Variants in TBX19 observed in about 807,000 individuals in gnomAD.
TBX19 encodes the protein T-box transcription factor TBX19.
Under a neutral mutation model 40.9 loss-of-function variants are expected in TBX19, and 33 were observed. The observed-to-expected ratio is 0.81, with a 90% CI of 0.61 to 1.08. The LOEUF (loss-of-function observed/expected upper bound fraction) is 1.08. TBX19 is among the 50% of genes least tolerant of loss of function. The pLI, the probability that TBX19 is intolerant of heterozygous loss-of-function variation, is 0.00. For missense variants in TBX19, 494 were observed against 574.0 expected (o/e 0.86, Z 1.42); for synonymous variants, 220 against 225.0 (o/e 0.98, Z 0.20).
At chr1:168,299,892 T>C (rs1475839218) in intron 4 of TBX19, among the ~76,000 whole-genome samples, 1 of 152,222 alleles carries the variant, frequency 6.6e-6, no homozygotes, top group Non-Finnish European at 1.5e-5. Flanking sequence ...AAAGTGACAG[T>C]AGCATGGTAT....
At chr1:168,310,136 T>C (rs1192848415) in intron 7 of TBX19, among the ~76,000 whole-genome samples, 2 of 152,012 alleles carry the variant, frequency 1.3e-5, no homozygotes, top group African/African-American at 4.8e-5. Context: ...ACCCCATCTC[T>C]ACTAAAAATA....
chr1:168,284,727 C>T (rs559635509), intron 1 of TBX19, among the ~76,000 whole-genome samples: 6 of 144,446 alleles, frequency 4.2e-5, no homozygotes, highest in Admixed American at 2.1e-4. Context: ...AGTGATCACA[C>T]CACTGCACAC....
chr1:168,286,793 G>A (rs545872971), intron 1 of TBX19, among the ~76,000 whole-genome samples: 2 of 152,332 alleles, frequency 1.3e-5, no homozygotes, highest in East Asian at 3.9e-4. Flanking sequence ...AACCAAGTGA[G>A]GAACTGCCAG....
chr1:168,280,881 C>T lies in TBX19; in HGVS notation c.-210C>T, dbSNP rs563196275. ...CCCTACCTCTCCCCTGCCTCCACCC[C>T]GCTCCCCAACTAAAGCTTAACAGGT... is the stretch of plus-strand genomic sequence containing the variant. On this transcript the variant is annotated 5_prime_UTR_variant, in exon 1 of 8. Transcript: ENST00000367821. Among the ~76,000 whole-genome samples the T allele has an allele frequency of 4.3e-4, 66 of 152,222 alleles. 1 individual carries two copies. Among genetic ancestry groups the T allele is most frequent in the South Asian group, 1.0e-3 (5 of 4,814 alleles).
chr1:168,290,522 A>G (rs1432590618), intron 1 of TBX19, among the ~76,000 whole-genome samples: 1 of 152,188 alleles, frequency 6.6e-6, no homozygotes, highest in Non-Finnish European at 1.5e-5. Context: ...TGTACAGTTA[A>G]GAGTTCCTCT....
At chr1:168,311,497 A>T (rs1004850912) in intron 7 of TBX19, among the ~76,000 whole-genome samples, 1 of 152,140 alleles carries the variant, frequency 6.6e-6, no homozygotes, top group East Asian at 1.9e-4. Context: ...AGCTCAGAGG[A>T]TGGGCTGCTG....
At chr1:168,306,979 G>A (rs952238920) in intron 6 of TBX19, among the ~76,000 whole-genome samples, 6 of 152,322 alleles carry the variant, frequency 3.9e-5, no homozygotes, top group African/African-American at 1.4e-4. Flanking sequence ...GACAGAGTGG[G>A]AGTGGGCAGG....
At chr1:168,297,437 T>A (rs1649140535) in intron 3 of TBX19, among the ~76,000 whole-genome samples, 1 of 152,236 alleles carries the variant, frequency 6.6e-6, no homozygotes, top group South Asian at 2.1e-4. Context: ...TTTCCAGTGT[T>A]TTGCCCTTTC....
intron 3 of TBX19, among the ~76,000 whole-genome samples, chr1:168,293,946 C>G (rs1195162815): frequency 6.6e-6 from 1 of 152,052 alleles, no homozygotes; most frequent in African/African-American, 2.4e-5. Flanking sequence ...TTTAAAAACA[C>G]ATAATAAACT....
chr1:168,297,255 T>C (rs1167208089), intron 3 of TBX19, among the ~76,000 whole-genome samples: 1 of 152,236 alleles, frequency 6.6e-6, no homozygotes, highest in Non-Finnish European at 1.5e-5. Flanking sequence ...AGGGACTCGA[T>C]GCTAGATGGC....
At chr1:168,291,523 C>T in intron 2 of TBX19, 99 bp downstream of exon 2, 2 of 1,534,164 alleles carry the variant, frequency 1.3e-6, no homozygotes, top group East Asian at 2.3e-5. Flanking sequence ...GAGGTGTCCT[C>T]ACCAGCCTCT....
chr1:168,298,826 T>TCCCC lies in TBX19; in HGVS notation c.665+1042_665+1043insCCCC, dbSNP rs1405724459. Reference sequence around the variant, plus strand: ...CCCTCCCTCCCTCCCTCCCTTCCTTTCTTTCTTTCTTTCTTTCTTTCTTTC... The same window carrying TCCCC: ...CCCTCCCTCCCTCCCTCCCTTCCTTTCCCCCTTTCTTTCTTTCTTTCTTTCTTTC... On this transcript the variant is annotated intron_variant, in intron 4 of 7. Coordinates refer to ENST00000367821, the MANE Select transcript of TBX19 (RefSeq NM_005149.3). 3.7e-4 allele frequency among the ~76,000 whole-genome samples: 9 copies of TCCCC among 24,250 alleles called. 3 individuals are homozygous for TCCCC. The East Asian group carries it at 0.011, about 31-fold the overall frequency. 15.9% of individuals were successfully genotyped at this position (24,250 alleles called of 152,430 possible). A position where few individuals can be genotyped will look rare whatever the true frequency, so the allele number is the denominator to read the frequency against.
chr1:168,293,007 G>A, intron 2 of TBX19, 137 bp from the exon 3 acceptor site: 1 of 1,422,414 alleles, frequency 7.0e-7, no homozygotes, highest in South Asian at 1.2e-5. Context: ...GGCAGCTCAG[G>A]TGGCCTAGGA....
At chr1:168,304,471 A>G (rs1368286450) in intron 5 of TBX19, among the ~76,000 whole-genome samples, 1 of 152,240 alleles carries the variant, frequency 6.6e-6, no homozygotes, top group Non-Finnish European at 1.5e-5. Flanking sequence ...CTTAGGTTCT[A>G]CAATAGTGAT....
intron 4 of TBX19, among the ~76,000 whole-genome samples, 164 bp downstream of exon 4, chr1:168,297,949 C>T (rs1649154865): frequency 6.6e-6 from 1 of 152,146 alleles, no homozygotes; most frequent in African/African-American, 2.4e-5. Context: ...GTAATCCCAG[C>T]ACTTTGGGAG....
At chr1:168,302,192 G>C (rs1649291786) in intron 5 of TBX19, among the ~76,000 whole-genome samples, 1 of 152,180 alleles carries the variant, frequency 6.6e-6, no homozygotes, top group African/African-American at 2.4e-5. Flanking sequence ...GCCTGGTTTT[G>C]CCCGCTGGGT....
At chr1:168,306,316 G>A (rs1649401639) in intron 6 of TBX19, among the ~76,000 whole-genome samples, 1 of 152,170 alleles carries the variant, frequency 6.6e-6, no homozygotes, top group South Asian at 2.1e-4. Context: ...TAGGCAGTGG[G>A]ATAGGAAAGT....
In TBX19 at chr1:168,280,984, C is replaced by A; in HGVS notation, c.-107C>A. On this transcript the variant is annotated 5_prime_UTR_variant, in exon 1 of 8. Coordinates refer to ENST00000367821, the MANE Select transcript of TBX19 (RefSeq NM_005149.3). The stretch of plus-strand genomic sequence containing the variant: ...AGAGCCAGGGTATCTTCTCTCCGCT[C>A]CCCAAGCACTGTTCAAGTGGGTTTG... 2 of 1,067,404 alleles carry A rather than the reference C, an allele frequency of 1.9e-6. No homozygotes were observed. Among genetic ancestry groups the A allele is most frequent in the Non-Finnish European group, 2.8e-6 (2 of 706,442 alleles). 66.1% of individuals were successfully genotyped at this position (1,067,404 alleles called of 1,614,324 possible).
chr1:168,297,407 G>C (rs536486089), intron 3 of TBX19, among the ~76,000 whole-genome samples: 1 of 152,182 alleles, frequency 6.6e-6, no homozygotes. Context: ...GCTAGGTTTC[G>C]CACATCAGGG....
Sources: gnomAD v4.1 joint callset for allele counts (sites outside exome capture counted in the v4.1 genomes callset) on GRCh38, gnomAD v4.1.1 for gene constraint, MANE v1.5 for transcripts, NCBI Gene and HGNC (gene_info 2026-07-23, HGNC 2026-07-21) for gene names.